The following CSMD1 variants were observed in gnomAD, a reference collection of about 807,000 sequenced individuals.
CSMD1 encodes CUB and Sushi multiple domains 1.
CSMD1 carries 213 observed loss-of-function variants against 417.5 expected under a neutral mutation model. That is an observed-to-expected ratio of 0.51 (90% CI 0.46 to 0.57). The LOEUF (loss-of-function observed/expected upper bound fraction) is 0.57, where lower values mean the gene tolerates loss of function less well. Among genes scored for constraint, CSMD1 ranks in the 20% least tolerant of loss-of-function variants. The pLI is 0.00. For synonymous variants in CSMD1, 2,862 were observed against 1,736.8 expected (o/e 1.65, Z -16.11); for missense variants, 6,923 against 4,529.7 (o/e 1.53, Z -15.17).
chr8:3,524,106 C>T (rs1345105405), intron 10 of CSMD1, among the ~76,000 whole-genome samples: 1 of 150,840 alleles, frequency 6.6e-6, no homozygotes, highest in South Asian at 2.1e-4. Context: ...CCCAGAGAGA[C>T]ATATGGACAT....
At position 3,031,470 on chromosome 8, in the gene CSMD1, TAAAA is replaced by T. The variant is rs200151995; in HGVS notation, c.7661-1961_7661-1958del. 4.6e-3 allele frequency among the ~76,000 whole-genome samples: 698 copies of T among 151,758 alleles called. 21 individuals carry two copies. In the East Asian group the frequency reaches 0.079, roughly 17 times the overall value. The stretch of plus-strand genomic sequence containing the variant: ...CCTAAAACTTAAAGTCTAACAATAA[TAAAA>T]AAAAATTATTTTTAATAACTTGAAC... On this transcript the variant is annotated intron_variant, in intron 50 of 69. Coordinates refer to ENST00000635120, the MANE Select transcript of CSMD1 (RefSeq NM_033225.6).
chr8:4,370,803 G>A (rs906971313), intron 3 of CSMD1, among the ~76,000 whole-genome samples: 5 of 152,134 alleles, frequency 3.3e-5, no homozygotes, highest in Admixed American at 6.5e-5. Context: ...TTCTTAAAAT[G>A]GTTATGTTGG....
intron 10 of CSMD1, among the ~76,000 whole-genome samples, chr8:3,565,393 C>T (rs146472971): frequency 1.3e-5 from 2 of 152,152 alleles, no homozygotes; most frequent in Admixed American, 6.5e-5. Context: ...GGGGAGGCTC[C>T]CTTCGGTGTT....
chr8:3,048,398 T>C (rs1266737613), intron 50 of CSMD1, among the ~76,000 whole-genome samples: 1 of 152,092 alleles, frequency 6.6e-6, no homozygotes, highest in Non-Finnish European at 1.5e-5. Flanking sequence ...AATGTGTCAA[T>C]GGAACAGAAT....
chr8:3,866,969 A>G (rs1805147642), intron 5 of CSMD1, among the ~76,000 whole-genome samples: 1 of 152,178 alleles, frequency 6.6e-6, no homozygotes, highest in Admixed American at 6.5e-5. Context: ...ATGAAAAACC[A>G]TTTTGCTTAT....
chr8:3,108,864 T>C, intron 43 of CSMD1, 116 bp from the exon 44 acceptor site: 2 of 1,004,690 alleles, frequency 2.0e-6, no homozygotes, highest in East Asian at 5.3e-5. Flanking sequence ...ATATGCATTC[T>C]CAGGATACTG....
chr8:3,223,531 A>G (rs1239736680), intron 28 of CSMD1, among the ~76,000 whole-genome samples, 198 bp downstream of exon 28: 3 of 152,196 alleles, frequency 2.0e-5, no homozygotes, highest in Admixed American at 1.3e-4. Context: ...ATTCAAGTGC[A>G]TCTTAAGTAG....
At chr8:4,573,730 C>T (rs1799001601) in intron 2 of CSMD1, among the ~76,000 whole-genome samples, 1 of 152,156 alleles carries the variant, frequency 6.6e-6, no homozygotes, top group Non-Finnish European at 1.5e-5. Context: ...ACAGCCACTC[C>T]TTCCCCCAGG....
At chr8:4,169,610 G>A (rs1471585242) in intron 3 of CSMD1, among the ~76,000 whole-genome samples, 1 of 152,072 alleles carries the variant, frequency 6.6e-6, no homozygotes, top group Non-Finnish European at 1.5e-5. Context: ...TGTGAAATAT[G>A]AGAAAAAGTG....
intron 5 of CSMD1, among the ~76,000 whole-genome samples, chr8:3,963,390 T>A (rs756299420): frequency 4.6e-5 from 7 of 152,190 alleles, no homozygotes; most frequent in Non-Finnish European, 7.3e-5. Context: ...ATATATGACA[T>A]CCTATACTCC....
intron 1 of CSMD1, among the ~76,000 whole-genome samples, chr8:4,947,156 C>G (rs577109582): frequency 8.5e-5 from 13 of 152,194 alleles, no homozygotes; most frequent in African/African-American, 2.9e-4. Context: ...CACAAATTCA[C>G]AACAAAATAA....
intron 7 of CSMD1, among the ~76,000 whole-genome samples, chr8:3,651,000 A>C (rs1167812452): frequency 6.6e-6 from 1 of 152,204 alleles, no homozygotes; most frequent in East Asian, 1.9e-4. Context: ...TCCTTAGACC[A>C]AAAACCTTGA....
chr8:3,883,051 G>C (rs1443341370), intron 5 of CSMD1, among the ~76,000 whole-genome samples: 2 of 152,064 alleles, frequency 1.3e-5, no homozygotes, highest in Non-Finnish European at 2.9e-5. Context: ...ACATATCTAA[G>C]AGCCACTGAC....
At chr8:4,406,374 A>C (rs767518353) in intron 3 of CSMD1, among the ~76,000 whole-genome samples, 18 of 152,100 alleles carry the variant, frequency 1.2e-4, no homozygotes, top group Non-Finnish European at 2.1e-4. Context: ...TGACAATTAG[A>C]TGATTCATGA....
At chr8:3,386,434 G>C (rs1248507603) in intron 18 of CSMD1, among the ~76,000 whole-genome samples, 1 of 152,200 alleles carries the variant, frequency 6.6e-6, no homozygotes, top group African/African-American at 2.4e-5. Flanking sequence ...CAGCAGCTCT[G>C]TGCTGTCCAC....
rs534653855 is a variant in CSMD1, at chr8:3,876,750, C to T, written c.818+121153G>A. ...TTGGCCTCCTGAGTACCTGGAAGCACAGGCATAGGCCACCAGGCACAGCAA... is the reference window on the plus strand; with the variant it reads ...TTGGCCTCCTGAGTACCTGGAAGCATAGGCATAGGCCACCAGGCACAGCAA... On this transcript the variant is annotated intron_variant, in intron 5 of 69. Coordinates refer to ENST00000635120, the MANE Select transcript of CSMD1 (RefSeq NM_033225.6). Among the ~76,000 whole-genome samples, 11 of 152,254 alleles carry T rather than the reference C, an allele frequency of 7.2e-5. No homozygotes were observed. The East Asian group carries it at 1.7e-3, about 24-fold the overall frequency.
intron 1 of CSMD1, among the ~76,000 whole-genome samples, chr8:4,754,474 T>A (rs183143284): frequency 2.0e-5 from 3 of 152,022 alleles, no homozygotes; most frequent in African/African-American, 7.2e-5. Context: ...GTGTCATGCA[T>A]GCAATTTTTG....
At chr8:4,309,844 G>C (rs1010146273) in intron 3 of CSMD1, among the ~76,000 whole-genome samples, 1 of 152,020 alleles carries the variant, frequency 6.6e-6, no homozygotes, top group Non-Finnish European at 1.5e-5. Flanking sequence ...AGCTGTCTGA[G>C]TATTTTCTCT....
intron 23 of CSMD1, among the ~76,000 whole-genome samples, chr8:3,324,967 C>T (rs1300820983): frequency 6.6e-6 from 1 of 151,374 alleles, no homozygotes; most frequent in Non-Finnish European, 1.5e-5. Flanking sequence ...GAAATTTTTA[C>T]TTGGTTTAAA....
Sources: allele counts gnomAD v4.1 joint callset (sites outside exome capture counted in the v4.1 genomes callset), GRCh38; gene constraint gnomAD v4.1.1; transcripts MANE v1.5; gene names NCBI Gene and HGNC (gene_info 2026-07-23, HGNC 2026-07-21).